Variants in UGT1A6 observed in about 807,000 individuals in gnomAD.
UGT1A6 encodes UDP-glucuronosyltransferase 1A6.
UGT1A6 carries 32 observed loss-of-function variants against 44.4 expected under a neutral mutation model. The observed-to-expected ratio is 0.72, with a 90% CI of 0.54 to 0.97. The LOEUF is 0.97. Among genes scored for constraint, UGT1A6 ranks in the 50% least tolerant of loss-of-function variants. The pLI, the probability that UGT1A6 is intolerant of heterozygous loss-of-function variation, is 0.00. For missense variants in UGT1A6, 685 were observed against 661.9 expected, an observed-to-expected ratio of 1.03 and a Z score of -0.38; for synonymous variants, 238 against 248.5, an observed-to-expected ratio of 0.96 and a Z score of 0.40.
intron 1 of UGT1A6, chr2:233,712,959 G>A (rs372681148): frequency 6.2e-7 from 1 of 1,612,876 alleles, no homozygotes; most frequent in South Asian, 1.1e-5. Context: ...ACAACGTGGG[G>A]TGGACAGTCA....
intron 1 of UGT1A6, chr2:233,755,094 G>A (rs1173383438): frequency 1.5e-6 from 2 of 1,335,004 alleles, no homozygotes; most frequent in Non-Finnish European, 2.0e-6. Flanking sequence ...GCGTTTCTAC[G>A]CGTCCGACAA....
Position 233,769,204 on chromosome 2 carries a change from CA to C in UGT1A6, c.1301+766del, listed in dbSNP as rs1195031897. 1.3e-5 allele frequency among the ~76,000 whole-genome samples: 2 copies of C among 152,164 alleles called. No individual in the cohort carries two copies. The highest frequency in any genetic ancestry group is 4.8e-5 in the African/African-American group (2 of 41,440). ...TGAATGAAGGAGCTATAAGATATCA[CA>C]GACAAAGTCTTAGAATAAGAGCAAA... On this transcript the variant is annotated intron_variant, in intron 4 of 4. Transcript: ENST00000305139. This position sits in a 1 kb window ranked among gnomAD's most constrained non-coding sequence, Gnocchi z 4.4.
chr2:233,772,832 C>A lies in UGT1A6; in HGVS notation c.*273C>A. ...GAGGACGTGCAGACAGGCTGGCATT[C>A]TAGATTACTTTTCTTACTCTGAAAC... On this transcript the variant is annotated 3_prime_UTR_variant, in exon 5 of 5. Coordinates refer to ENST00000305139, the MANE Select transcript of UGT1A6 (RefSeq NM_001072.4). 1 of 899,518 alleles carries A rather than the reference C, an allele frequency of 1.1e-6. No homozygotes were observed. Among genetic ancestry groups the A allele is most frequent in the Non-Finnish European group, 1.5e-6 (1 of 646,888 alleles). The allele number at this position is 899,518 out of a possible 1,614,324, so 55.7% of individuals were successfully genotyped here.
At chr2:233,746,604 C>T (rs901529128) in intron 1 of UGT1A6, among the ~76,000 whole-genome samples, 5 of 151,778 alleles carry the variant, frequency 3.3e-5, no homozygotes, top group Non-Finnish European at 5.9e-5. Flanking sequence ...TGTCTCTGTT[C>T]ACCTGACCCC....
At chr2:233,763,024 G>T (rs187872342) in intron 1 of UGT1A6, among the ~76,000 whole-genome samples, 17 of 152,244 alleles carry the variant, frequency 1.1e-4, no homozygotes, top group Middle Eastern at 3.4e-3. Flanking sequence ...CATTATGTTA[G>T]CCATTGTTTT....
chr2:233,735,747 T>C (rs933103602), intron 1 of UGT1A6, among the ~76,000 whole-genome samples: 3 of 152,290 alleles, frequency 2.0e-5, no homozygotes, highest in African/African-American at 7.2e-5. Context: ...TATAAAGGAT[T>C]TTATTTCTCC....
At position 233,718,085 on chromosome 2, in the gene UGT1A6, C is replaced by A. The variant is rs557969051; in HGVS notation, c.861+24220C>A. The A allele has an allele frequency of 1.6e-4, 55 of 337,650 alleles. 1 individual carries two copies. The East Asian group carries it at 4.0e-3, about 25-fold the overall frequency. 20.9% of individuals were successfully genotyped at this position (337,650 alleles called of 1,614,324 possible). On this transcript the variant is annotated intron_variant, in intron 1 of 4. Transcript: ENST00000305139. ...TGGGTCCTTGCTAGGGTTGTCTTGC[C>A]CATGTGTGCTTTAGACAGCAGCACC...
intron 1 of UGT1A6, among the ~76,000 whole-genome samples, chr2:233,717,476 A>C (rs2076577625): frequency 6.6e-6 from 1 of 152,234 alleles, no homozygotes; most frequent in Non-Finnish European, 1.5e-5. Context: ...TTGTGTCCAA[A>C]GGTGGAATCT....
At chr2:233,736,641 C>G (rs1209687241) in intron 1 of UGT1A6, among the ~76,000 whole-genome samples, 1 of 152,216 alleles carries the variant, frequency 6.6e-6, no homozygotes, top group Non-Finnish European at 1.5e-5. Context: ...AGTTTCCCCC[C>G]ATCTTTGTGG....
At chr2:233,736,391 T>G (rs923297750) in intron 1 of UGT1A6, among the ~76,000 whole-genome samples, 3 of 152,222 alleles carry the variant, frequency 2.0e-5, no homozygotes, top group African/African-American at 7.2e-5. Flanking sequence ...CTACAGTGTT[T>G]ATTCTAGTTA....
intron 1 of UGT1A6, among the ~76,000 whole-genome samples, chr2:233,732,331 T>C (rs2078260984): frequency 6.6e-6 from 1 of 152,256 alleles, no homozygotes; most frequent in Admixed American, 6.5e-5. Flanking sequence ...TTTGTTGCCA[T>C]TGCTTTTGGT....
intron 1 of UGT1A6, among the ~76,000 whole-genome samples, chr2:233,700,278 T>G (rs2075554509): frequency 6.6e-6 from 1 of 152,242 alleles, no homozygotes; most frequent in African/African-American, 2.4e-5. Flanking sequence ...AGGCACTTTT[T>G]AAAATACGTG....
chr2:233,772,792 A>G lies in UGT1A6; in HGVS notation c.*233A>G. On this transcript the variant is annotated 3_prime_UTR_variant, in exon 5 of 5. Coordinates refer to ENST00000305139, the MANE Select transcript of UGT1A6 (RefSeq NM_001072.4). ...CTCTGGTGTCTTTGATCAGGATGAC[A>G]TGTGCCATTTTTCAGAGGACGTGCA... 8.2e-7 allele frequency: 1 copy of G among 1,219,898 alleles called. No homozygotes were observed. The highest frequency in any genetic ancestry group is 3.0e-4 in the Middle Eastern group (1 of 3,362). 75.6% of individuals were successfully genotyped at this position (1,219,898 alleles called of 1,614,324 possible).
At chr2:233,699,814 A>G (rs2075525591) in intron 1 of UGT1A6, among the ~76,000 whole-genome samples, 1 of 152,256 alleles carries the variant, frequency 6.6e-6, no homozygotes, top group Non-Finnish European at 1.5e-5. Flanking sequence ...TCATCTAAAT[A>G]GTAGTTCTCA....
chr2:233,693,023 T>A lies in UGT1A6; in HGVS notation c.19T>A (p.Ser7Thr), dbSNP rs6759892. 2.5e-6 allele frequency: 4 copies of A among 1,613,804 alleles called. No homozygotes were observed. Among genetic ancestry groups the A allele is most frequent in the Non-Finnish European group, 3.4e-6 (4 of 1,180,000 alleles). MACLLRSFQRISAGVFF... is the reference protein window; with the variant it reads MACLLRTFQRISAGVFF... ...TTCCAGGATGGCCTGCCTCCTTCGC[T>A]CATTTCAGAGAATTTCTGCAGGGGT... The change falls in exon 1 of 5, where the codon TCA becomes ACA. Residue 7 changes from serine to threonine, a missense_variant. Ser to Thr is a moderately conservative substitution (Grantham distance 58). Coordinates refer to ENST00000305139, the MANE Select transcript of UGT1A6 (RefSeq NM_001072.4).
At chr2:233,705,835 G>A (rs1031136010) in intron 1 of UGT1A6, among the ~76,000 whole-genome samples, 34 of 152,260 alleles carry the variant, frequency 2.2e-4, no homozygotes, top group African/African-American at 7.7e-4. Flanking sequence ...CACAGTGGCT[G>A]GAGCTGAAGT....
chr2:233,767,095 C>T lies in UGT1A6; in HGVS notation c.923C>T (p.Ser308Leu), dbSNP rs1301476253. The T allele has an allele frequency of 6.2e-7, 1 of 1,614,096 alleles. No homozygotes were observed. The highest frequency in any genetic ancestry group is 1.7e-5 in the Admixed American group (1 of 60,026). ...EHGIVVFSLG[S>L]MVSEIPEKKA... Reference sequence around the variant, plus strand: ...GGAATTGTGGTTTTCTCTTTGGGATCAATGGTCTCAGAAATTCCAGAGAAG... The same window carrying T: ...GGAATTGTGGTTTTCTCTTTGGGATTAATGGTCTCAGAAATTCCAGAGAAG... Residue 308 changes from serine (S) to leucine (L), a missense_variant, in exon 2 of 5, where the codon TCA (serine) becomes TTA (leucine). By Grantham distance (145) the Ser-to-Leu change is moderately radical (BLOSUM62 -2). Coordinates refer to ENST00000305139, the MANE Select transcript of UGT1A6 (RefSeq NM_001072.4).
intron 4 of UGT1A6, among the ~76,000 whole-genome samples, chr2:233,768,674 C>T (rs1339439419): frequency 6.7e-6 from 1 of 148,950 alleles, no homozygotes; most frequent in Non-Finnish European, 1.5e-5. Context: ...GCAACCTCCA[C>T]CTCCCACGTT....
At chr2:233,698,596 C>T (rs957890860) in intron 1 of UGT1A6, among the ~76,000 whole-genome samples, 9 of 152,076 alleles carry the variant, frequency 5.9e-5, no homozygotes, top group Admixed American at 2.6e-4. Context: ...CCAAGAAATT[C>T]GGATTAATAA....
Sources: gnomAD v4.1 joint callset for allele counts (sites outside exome capture counted in the v4.1 genomes callset) on GRCh38, gnomAD v4.1.1 for gene constraint, Gnocchi (gnomAD v3.1) non-coding constraint, MANE v1.5 for transcripts, NCBI Gene and HGNC (gene_info 2026-07-23, HGNC 2026-07-21) for gene names.